Variants in DYNC2H1 observed in about 807,000 individuals in gnomAD.
The protein encoded by DYNC2H1 is dynein cytoplasmic 2 heavy chain 1.
A neutral mutation model predicts 570.0 loss-of-function variants in DYNC2H1; 410 were observed. The ratio of observed to expected loss-of-function variants is 0.72; its 90% confidence interval spans 0.66 to 0.78. The LOEUF is 0.78. DYNC2H1 is among the 30% of genes least tolerant of loss of function. DYNC2H1 has a pLI of 0.00. For missense variants in DYNC2H1, 4,865 were observed against 5,046.4 expected, an observed-to-expected ratio of 0.96 and a Z score of 1.09; for synonymous variants, 1,688 against 1,677.6, an observed-to-expected ratio of 1.01 and a Z score of -0.15.
intron 83 of DYNC2H1, among the ~76,000 whole-genome samples, chr11:103,377,467 T>C (rs1441121653): frequency 6.6e-6 from 1 of 152,112 alleles, no homozygotes; most frequent in Admixed American, 6.5e-5. Context: ...GATTAGACTA[T>C]CGTACATAAT....
chr11:103,361,797 G>GA (rs976104306), intron 83 of DYNC2H1, among the ~76,000 whole-genome samples: 14 of 151,946 alleles, frequency 9.2e-5, no homozygotes, highest in Admixed American at 2.0e-4. Flanking sequence ...AACAAAAAAC[G>GA]AAAAAAGAAC....
At chr11:103,265,427 T>C (rs1317592186) in intron 70 of DYNC2H1, among the ~76,000 whole-genome samples, 1 of 152,214 alleles carries the variant, frequency 6.6e-6, no homozygotes, top group Non-Finnish European at 1.5e-5. Flanking sequence ...GATTCTTTCC[T>C]CCACTTCATC....
intron 80 of DYNC2H1, among the ~76,000 whole-genome samples, chr11:103,317,295 C>T (rs1417325519): frequency 2.0e-5 from 3 of 152,126 alleles, no homozygotes; most frequent in African/African-American, 4.8e-5. Context: ...ATTCTGCCTC[C>T]GTTTCAGTAG....
intron 80 of DYNC2H1, 44 bp downstream of exon 80, chr11:103,316,664 TTA>T: frequency 1.5e-6 from 2 of 1,351,502 alleles, no homozygotes; most frequent in Non-Finnish European, 2.0e-6. Flanking sequence ...ATAAAATATT[TTA>T]TCTGAGGTCT....
intron 83 of DYNC2H1, among the ~76,000 whole-genome samples, chr11:103,362,572 T>A (rs1940709060): frequency 6.6e-6 from 1 of 152,134 alleles, no homozygotes; most frequent in African/African-American, 2.4e-5. Flanking sequence ...AGATATTCCT[T>A]TTAGCTCTTC....
rs886047583 is a variant in DYNC2H1, at chr11:103,479,183, A to G, written c.12854A>G (p.Asp4285Gly). The change falls in exon 89 of 89, where the codon GAT becomes GGT. Residue 4285 changes from aspartate to glycine, a missense_variant. Asp to Gly is a moderately conservative substitution (Grantham distance 94). Coordinates refer to ENST00000375735, the MANE Select transcript of DYNC2H1 (RefSeq NM_001377.3). ...AGGGATCGTGTGGTTACCAATATTG[A>G]TGTTCCATGTGGGGGCAACCAAGAC... is the stretch of plus-strand genomic sequence containing the variant. The part of the protein sequence containing the change: ...AERDRVVTNI[D>G]VPCGGNQDQW... 42 of 1,613,704 alleles carry G rather than the reference A, an allele frequency of 2.6e-5. No homozygotes were observed. The highest frequency in any genetic ancestry group is 3.2e-5 in the Non-Finnish European group (38 of 1,179,822).
At chr11:103,144,732 A>G (rs1252781084) in intron 18 of DYNC2H1, among the ~76,000 whole-genome samples, 1 of 152,096 alleles carries the variant, frequency 6.6e-6, no homozygotes, top group African/African-American at 2.4e-5. Context: ...TTAGCTTTTA[A>G]AGGGTTCTAA....
At position 103,455,210 on chromosome 11, in the gene DYNC2H1, C is replaced by A; in HGVS notation, c.12481C>A (p.Gln4161Lys). ...IQNWVDKAEK[Q>K]ALLSETLDLS... Reference sequence around the variant, plus strand: ...GAACTGGGTAGATAAAGCTGAAAAACAGGCTCTTCTCTCTGAAACACTTGA... The same window carrying A: ...GAACTGGGTAGATAAAGCTGAAAAAAAGGCTCTTCTCTCTGAAACACTTGA... The change falls in exon 86 of 89, where the codon CAG becomes AAG. Residue 4161 changes from glutamine to lysine, a missense_variant. Gln to Lys is a moderately conservative substitution (Grantham distance 53). This residue lies in a region of DYNC2H1 where 2,401 missense variants were observed against 2,454.6 expected (regional missense o/e 0.98). Transcript: ENST00000375735. 6.2e-7 allele frequency: 1 copy of A among 1,613,120 alleles called. No homozygotes were observed. The highest frequency in any genetic ancestry group is 2.2e-5 in the East Asian group (1 of 44,786).
chr11:103,459,326 A>G (rs972770213), intron 87 of DYNC2H1, among the ~76,000 whole-genome samples: 8 of 149,408 alleles, frequency 5.4e-5, no homozygotes, highest in African/African-American at 1.5e-4. Context: ...AAAAAAAAAA[A>G]AAAAAAAGGA....
intron 79 of DYNC2H1, 125 bp downstream of exon 79, chr11:103,312,158 A>G (rs751021453): frequency 1.5e-5 from 14 of 958,416 alleles, no homozygotes; most frequent in Admixed American, 2.8e-5. Context: ...AGGTGGGCGG[A>G]TCACCTGAGG....
At chr11:103,262,426 A>G (rs990774263) in intron 70 of DYNC2H1, among the ~76,000 whole-genome samples, 12 of 152,106 alleles carry the variant, frequency 7.9e-5, no homozygotes, top group African/African-American at 2.7e-4. Context: ...GAAATGTAGG[A>G]AAAAATGTTA....
At position 103,472,229 on chromosome 11, in the gene DYNC2H1, A is replaced by G. The variant is rs1945410856; in HGVS notation, c.12765+3524A>G. Among the ~76,000 whole-genome samples the G allele has an allele frequency of 6.6e-6, 1 of 152,156 alleles. No individual in the cohort carries two copies. Among genetic ancestry groups the G allele is most frequent in the Admixed American group, 6.5e-5 (1 of 15,276 alleles). On this transcript the variant is annotated intron_variant, in intron 88 of 88. Coordinates refer to ENST00000375735, the MANE Select transcript of DYNC2H1 (RefSeq NM_001377.3). This position sits in a 1 kb window ranked among gnomAD's most constrained non-coding sequence, Gnocchi z 4.1. The stretch of plus-strand genomic sequence containing the variant: ...CCTTATGATCAGTAGGAAGCCATCA[A>G]GAATTTAGAACAGGGCCAGGCACGG...
intron 75 of DYNC2H1, among the ~76,000 whole-genome samples, chr11:103,295,153 T>G (rs536129325): frequency 6.6e-6 from 1 of 152,134 alleles, no homozygotes; most frequent in African/African-American, 2.4e-5. Context: ...TCAGATTTAT[T>G]TGGGCCCTCA....
At chr11:103,117,376 A>G (rs1279773157) in intron 5 of DYNC2H1, among the ~76,000 whole-genome samples, 2 of 151,008 alleles carry the variant, frequency 1.3e-5, no homozygotes, top group South Asian at 2.1e-4. Context: ...TGTGCTGCAT[A>G]TGTATTTCTA....
chr11:103,144,804 C>T (rs947701982), intron 18 of DYNC2H1, among the ~76,000 whole-genome samples: 10 of 151,918 alleles, frequency 6.6e-5, no homozygotes, highest in African/African-American at 1.5e-4. Context: ...CACAGATATA[C>T]GGTGGGATAA....
At chr11:103,117,996 G>A in intron 6 of DYNC2H1, 133 bp downstream of exon 6, 1 of 689,514 alleles carries the variant, frequency 1.5e-6, no homozygotes, top group Non-Finnish European at 2.2e-6. Context: ...AGGAATTAAA[G>A]TTCTTGTTGG....
At chr11:103,473,574 T>G (rs1945458658) in intron 88 of DYNC2H1, among the ~76,000 whole-genome samples, 1 of 152,164 alleles carries the variant, frequency 6.6e-6, no homozygotes, top group African/African-American at 2.4e-5. Flanking sequence ...TTGGAAAGTC[T>G]TATATTAACA....
intron 82 of DYNC2H1, among the ~76,000 whole-genome samples, chr11:103,338,529 C>A (rs770203885): frequency 3.3e-5 from 5 of 152,156 alleles, no homozygotes; most frequent in Non-Finnish European, 7.4e-5. Context: ...GTGTACTCTT[C>A]AATTTCTCTG....
At chr11:103,364,422 T>C (rs1266787640) in intron 83 of DYNC2H1, among the ~76,000 whole-genome samples, 1 of 152,128 alleles carries the variant, frequency 6.6e-6, no homozygotes, top group Non-Finnish European at 1.5e-5. Context: ...GATGGCTGCT[T>C]TACAGTCCTT....
Sources: allele counts gnomAD v4.1 joint callset (sites outside exome capture counted in the v4.1 genomes callset), GRCh38; gene constraint gnomAD v4.1.1; regional missense constraint gnomAD v4.1.1; non-coding constraint Gnocchi (gnomAD v3.1); transcripts MANE v1.5; gene names NCBI Gene and HGNC (gene_info 2026-07-23, HGNC 2026-07-21).